The following AUTS2 variants were observed in gnomAD, a reference collection of about 807,000 sequenced individuals.
AUTS2 encodes the protein autism susceptibility gene 2 protein.
A neutral mutation model predicts 112.4 loss-of-function variants in AUTS2; 17 were observed. The observed-to-expected ratio is 0.15, with a 90% confidence interval of 0.10 to 0.23. The LOEUF is 0.23. Among genes scored for constraint, AUTS2 ranks in the 10% least tolerant of loss-of-function variants. The pLI is 1.00. For synonymous variants in AUTS2, 751 were observed against 702.7 expected, an observed-to-expected ratio of 1.07 and a Z score of -1.09; for missense variants, 1,510 against 1,701.6, an observed-to-expected ratio of 0.89 and a Z score of 1.98.
At chr7:69,831,502 C>G (rs1283827489) in intron 1 of AUTS2, among the ~76,000 whole-genome samples, 2 of 152,118 alleles carry the variant, frequency 1.3e-5, no homozygotes, top group African/African-American at 2.4e-5. Flanking sequence ...ACTCTGGCTA[C>G]TTTGATCTTC....
At chr7:70,398,058 G>C (rs1256738735) in intron 4 of AUTS2, among the ~76,000 whole-genome samples, 1 of 152,190 alleles carries the variant, frequency 6.6e-6, no homozygotes, top group African/African-American at 2.4e-5. Flanking sequence ...AAAAGGTTAT[G>C]CATTCTCTAC....
chr7:69,635,519 A>G (rs1171941730), intron 1 of AUTS2, among the ~76,000 whole-genome samples: 1 of 152,230 alleles, frequency 6.6e-6, no homozygotes, highest in Non-Finnish European at 1.5e-5. Context: ...GAAAGCTGAC[A>G]TGAATGCTCT....
chr7:70,382,037 C>T (rs1793389794), intron 4 of AUTS2, among the ~76,000 whole-genome samples: 1 of 152,174 alleles, frequency 6.6e-6, no homozygotes, highest in Non-Finnish European at 1.5e-5. Flanking sequence ...AAGCCAGATA[C>T]TGATTTCTGG....
intron 1 of AUTS2, chr7:69,663,374 T>C (rs944682147): frequency 1.1e-4 from 17 of 152,190 alleles, no homozygotes; most frequent in Non-Finnish European, 1.6e-4. Context: ...ATACCTTTTA[T>C]GGGTTTATAT....
intron 5 of AUTS2, among the ~76,000 whole-genome samples, chr7:70,661,761 G>A (rs1585461151): frequency 6.6e-6 from 1 of 152,022 alleles, no homozygotes; most frequent in East Asian, 1.9e-4. Flanking sequence ...ATGAGTCTGG[G>A]GAGGTGGACC....
At chr7:69,683,565 CTA>C (rs899885751) in intron 1 of AUTS2, among the ~76,000 whole-genome samples, 2 of 150,404 alleles carry the variant, frequency 1.3e-5, no homozygotes, top group Admixed American at 1.3e-4. Flanking sequence ...AGAGCAAAAA[CTA>C]TGACCCTGTG....
chr7:70,219,888 G>A (rs1166372297), intron 4 of AUTS2, among the ~76,000 whole-genome samples: 4 of 152,010 alleles, frequency 2.6e-5, no homozygotes, highest in Admixed American at 2.6e-4. Flanking sequence ...CCCTTTTTAA[G>A]ATCAAAGTAT....
At chr7:69,869,895 T>C (rs2129535093) in intron 1 of AUTS2, among the ~76,000 whole-genome samples, 1 of 152,294 alleles carries the variant, frequency 6.6e-6, no homozygotes, top group Admixed American at 6.5e-5. Context: ...ATTCAGAGAC[T>C]CATAGTTTGA....
chr7:70,710,429 C>G (rs1054295998), intron 6 of AUTS2, among the ~76,000 whole-genome samples: 6 of 152,204 alleles, frequency 3.9e-5, no homozygotes, highest in Non-Finnish European at 5.9e-5. Flanking sequence ...GACTCACACA[C>G]CAAGCATTTC....
chr7:70,303,434 G>GCGCACACACACACACACACACACACA (rs1241517255), intron 4 of AUTS2, among the ~76,000 whole-genome samples: 3 of 141,948 alleles, frequency 2.1e-5, no homozygotes, highest in Non-Finnish European at 3.1e-5. Context: ...GCGCGCGCGC[G>GCGCACACACACACACACACACACACA]CACATACACA....
intron 1 of AUTS2, among the ~76,000 whole-genome samples, chr7:69,779,716 A>T (rs982753908): frequency 3.4e-5 from 5 of 148,214 alleles, no homozygotes; most frequent in Admixed American, 6.8e-5. Flanking sequence ...TGAGCCCGAG[A>T]TTGCTCCACT....
chr7:69,775,937 A>G (rs1295429803), intron 1 of AUTS2, among the ~76,000 whole-genome samples: 1 of 152,116 alleles, frequency 6.6e-6, no homozygotes, highest in Non-Finnish European at 1.5e-5. Context: ...CCTGGGTAGG[A>G]GACCTCCCCC....
intron 1 of AUTS2, among the ~76,000 whole-genome samples, chr7:69,766,741 A>G (rs1292765427): frequency 2.0e-5 from 3 of 152,064 alleles, no homozygotes; most frequent in African/African-American, 4.8e-5. Flanking sequence ...TCAACGAACA[A>G]TTTCTCAGGA....
intron 2 of AUTS2, among the ~76,000 whole-genome samples, chr7:70,051,211 G>T (rs1019727889): frequency 6.6e-6 from 1 of 152,116 alleles, no homozygotes; most frequent in African/African-American, 2.4e-5. Flanking sequence ...ATAGGCAAAG[G>T]TGCCAGCGTT....
At position 70,772,951 on chromosome 7, in the gene AUTS2, C is replaced by T. The variant is rs1404882542; in HGVS notation, c.1831-1077C>T. Among the ~76,000 whole-genome samples, 5 of 152,228 alleles carry T rather than the reference C, an allele frequency of 3.3e-5. No homozygotes were observed. The South Asian group carries it at 6.2e-4, about 19-fold the overall frequency. The stretch of plus-strand genomic sequence containing the variant: ...GTCATTTAATAAATTAGACTATTTC[C>T]CTCGCTCACAATTATCCAATCACAC... On this transcript the variant is annotated intron_variant, in intron 11 of 18. Transcript: ENST00000342771.
At chr7:70,308,433 T>C (rs1391258290) in intron 4 of AUTS2, among the ~76,000 whole-genome samples, 1 of 152,226 alleles carries the variant, frequency 6.6e-6, no homozygotes, top group Non-Finnish European at 1.5e-5. Flanking sequence ...TCTACTCCTA[T>C]GATGTCCATT....
intron 4 of AUTS2, among the ~76,000 whole-genome samples, chr7:70,392,263 G>GT (rs1317060380): frequency 2.0e-5 from 3 of 152,208 alleles, no homozygotes; most frequent in African/African-American, 7.2e-5. Context: ...GAGAGACTCA[G>GT]TTTTTTCTAA....
rs147393990 is a variant in AUTS2 at position 70,059,299 on chromosome 7, A to G, written c.523-58833A>G. ...GATTGGCTTCTTTCACTTAGTTATT[A>G]TACATTTAAGGTCCTCCGTGTCTTT... On this transcript the variant is annotated intron_variant, in intron 2 of 18. Transcript: ENST00000342771. 3.3e-5 allele frequency among the ~76,000 whole-genome samples: 5 copies of G among 152,284 alleles called. No individual in the cohort carries two copies. In the East Asian group the frequency reaches 9.6e-4, roughly 29 times the overall value.
chr7:70,659,419 C>A (rs1007218111), intron 5 of AUTS2, among the ~76,000 whole-genome samples: 1 of 152,140 alleles, frequency 6.6e-6, no homozygotes, highest in Non-Finnish European at 1.5e-5. Flanking sequence ...ATGTGCGGTC[C>A]GGGCTGAGAG....
Sources: gnomAD v4.1 joint callset for allele counts (sites outside exome capture counted in the v4.1 genomes callset) on GRCh38, gnomAD v4.1.1 for gene constraint, MANE v1.5 for transcripts, NCBI Gene and HGNC (gene_info 2026-07-23, HGNC 2026-07-21) for gene names.